SNX18: variants seen among roughly 807,000 people sequenced by gnomAD.
The protein encoded by SNX18 is sorting nexin 18, also known as sorting nexin-18.
SNX18 carries 35 observed loss-of-function variants against 48.7 expected under a neutral mutation model. The observed-to-expected ratio is 0.72, with a 90% CI of 0.55 to 0.95. SNX18 has a LOEUF of 0.95. Among genes scored for constraint, SNX18 ranks in the 40% least tolerant of loss-of-function variants. The pLI is 0.00. For missense variants in SNX18, 824 were observed against 871.0 expected (o/e 0.95, Z 0.68); for synonymous variants, 492 against 384.7 (o/e 1.28, Z -3.26).
chr5:54,619,494 A>C, the SNX18 span, among the ~76,000 whole-genome samples: 2 of 152,298 alleles, frequency 1.3e-5, no homozygotes, highest in Middle Eastern at 6.8e-3. Flanking sequence ...CCTGGGTGAC[A>C]GAGCAAGACC....
chr5:54,525,753 A>T (rs2112842052), intron 1 of SNX18, among the ~76,000 whole-genome samples: 1 of 152,176 alleles, frequency 6.6e-6, no homozygotes, highest in South Asian at 2.1e-4. Flanking sequence ...CCTAGGTACT[A>T]TTTTGTTAGT....
At chr5:54,641,729 C>T in the SNX18 span, among the ~76,000 whole-genome samples, 3 of 152,160 alleles carry the variant, frequency 2.0e-5, no homozygotes, top group South Asian at 6.2e-4. Flanking sequence ...GAGGAGGACG[C>T]TTTGCTATAC....
the SNX18 span, among the ~76,000 whole-genome samples, chr5:54,621,212 T>C: frequency 6.6e-6 from 1 of 152,320 alleles, no homozygotes; most frequent in African/African-American, 2.4e-5. Flanking sequence ...GTTATTGATT[T>C]CCAGGTGCTA....
At chr5:54,579,994 A>AT in the SNX18 span, among the ~76,000 whole-genome samples, 29 of 150,258 alleles carry the variant, frequency 1.9e-4, no homozygotes, top group South Asian at 4.2e-4. Context: ...CCTATCTGTA[A>AT]TTTTTTTTTT....
chr5:54,563,772 G>A, the SNX18 span, among the ~76,000 whole-genome samples: 1 of 152,104 alleles, frequency 6.6e-6, no homozygotes, highest in South Asian at 2.1e-4. Context: ...GATTTTGTAT[G>A]GATCTGATTC....
the SNX18 span, among the ~76,000 whole-genome samples, chr5:54,572,754 G>GTGTGTGTGTATATATATATA: frequency 2.5e-4 from 8 of 31,886 alleles, no homozygotes; most frequent in Admixed American, 5.3e-4. Context: ...GTGTGTGTGT[G>GTGTGTGTGTATATATATATA]TATATATATA....
chr5:54,562,126 C>T, the SNX18 span, among the ~76,000 whole-genome samples: 1 of 152,214 alleles, frequency 6.6e-6, no homozygotes, highest in African/African-American at 2.4e-5. Flanking sequence ...GCACAGCCTT[C>T]GTTAGCTCTT....
the SNX18 span, among the ~76,000 whole-genome samples, chr5:54,568,256 T>C: frequency 1.3e-5 from 2 of 152,208 alleles, no homozygotes; most frequent in East Asian, 1.9e-4. Flanking sequence ...GAATACTATG[T>C]CTCTGAAGGA....
At chr5:54,522,798 T>A (rs1762055678) in intron 1 of SNX18, among the ~76,000 whole-genome samples, 1 of 152,208 alleles carries the variant, frequency 6.6e-6, no homozygotes, top group African/African-American at 2.4e-5. Flanking sequence ...GCTGAAATTT[T>A]CCTGACTATA....
chr5:54,517,803 A>C lies in SNX18; in HGVS notation c.-150A>C. The C allele has an allele frequency of 1.1e-5, 7 of 664,618 alleles. No individual in the cohort carries two copies. The highest frequency in any genetic ancestry group is 1.0e-5 in the Non-Finnish European group (5 of 480,690). 41.2% of individuals were successfully genotyped at this position (664,618 alleles called of 1,614,324 possible). Reference sequence around the variant, plus strand: ...AGGCGCTGCGAGCGGAGCCGCGCGGAGGGCGCGACCGGCTGGTCCGGGCAG... The same window carrying C: ...AGGCGCTGCGAGCGGAGCCGCGCGGCGGGCGCGACCGGCTGGTCCGGGCAG... On this transcript the variant is annotated 5_prime_UTR_variant, in exon 1 of 2. Coordinates refer to ENST00000381410, the MANE Select transcript of SNX18 (RefSeq NM_001102575.2).
At chr5:54,628,066 C>T in the SNX18 span, among the ~76,000 whole-genome samples, 1 of 152,174 alleles carries the variant, frequency 6.6e-6, no homozygotes, top group African/African-American at 2.4e-5. Flanking sequence ...TAGGACCTGA[C>T]ACACACCCAG....
chr5:54,550,733 C>T (rs150756635), downstream of SNX18, among the ~76,000 whole-genome samples: 296 of 151,218 alleles, frequency 2.0e-3, 2 homozygotes, highest in African/African-American at 6.7e-3. Context: ...TACGGGTGCC[C>T]GCCACCATGC....
At chr5:54,621,300 C>A in the SNX18 span, among the ~76,000 whole-genome samples, 1 of 152,314 alleles carries the variant, frequency 6.6e-6, no homozygotes, top group South Asian at 2.1e-4. Flanking sequence ...CATTGTGAAT[C>A]AACAATCTCC....
At position 54,525,814 on chromosome 5, in the gene SNX18, GA is replaced by G. The variant is rs1378149319; in HGVS notation, c.1621+6242del. ...GTCTTAAGTATCCAGGAAACTTTTAGACATTGTTTCAGGCTGATTTTAATAG... is the reference window on the plus strand; with the variant it reads ...GTCTTAAGTATCCAGGAAACTTTTAGCATTGTTTCAGGCTGATTTTAATAG... On this transcript the variant is annotated intron_variant, in intron 1 of 1. Transcript: ENST00000381410. 2.0e-5 allele frequency among the ~76,000 whole-genome samples: 3 copies of G among 152,110 alleles called. No individual in the cohort carries two copies. In the East Asian group the frequency reaches 5.8e-4, roughly 29 times the overall value.
the SNX18 span, among the ~76,000 whole-genome samples, chr5:54,646,922 C>T: frequency 6.6e-6 from 1 of 152,196 alleles, no homozygotes; most frequent in Non-Finnish European, 1.5e-5. Context: ...TGCTGCCTTT[C>T]TCCAAGAGAG....
the SNX18 span, among the ~76,000 whole-genome samples, chr5:54,614,176 G>A: frequency 6.6e-6 from 1 of 152,186 alleles, no homozygotes; most frequent in Non-Finnish European, 1.5e-5. Flanking sequence ...CAGCCCATTG[G>A]CCATCATGGT....
the SNX18 span, among the ~76,000 whole-genome samples, chr5:54,614,897 A>G: frequency 9.3e-4 from 142 of 152,340 alleles, no homozygotes; most frequent in African/African-American, 3.2e-3. Context: ...ACTGTCGTAC[A>G]CACTAACTTA....
At chr5:54,611,308 C>T in the SNX18 span, among the ~76,000 whole-genome samples, 6 of 152,142 alleles carry the variant, frequency 3.9e-5, no homozygotes, top group Non-Finnish European at 7.4e-5. Flanking sequence ...TCACCCGCCC[C>T]AGTAGGAAGC....
intron 1 of SNX18, among the ~76,000 whole-genome samples, chr5:54,540,211 C>CTTTTTTT (rs58582682): frequency 7.2e-6 from 1 of 139,642 alleles, no homozygotes; most frequent in Non-Finnish European, 1.5e-5. Flanking sequence ...TAGACTTGTT[C>CTTTTTTT]TTTTTTTTTT....
Sources: allele counts gnomAD v4.1 joint callset (sites outside exome capture counted in the v4.1 genomes callset), GRCh38; gene constraint gnomAD v4.1.1; transcripts MANE v1.5; gene names NCBI Gene and HGNC (gene_info 2026-07-23, HGNC 2026-07-21).